CECR2: variants seen among roughly 807,000 people sequenced by gnomAD.
CECR2 encodes the protein CECR2 histone acetyl-lysine reader, also known as chromatin remodeling regulator CECR2.
CECR2 carries 30 observed loss-of-function variants against 154.5 expected under a neutral mutation model. That is an observed-to-expected ratio of 0.19 (90% CI 0.15 to 0.26). CECR2 has a LOEUF of 0.26. Ranked by LOEUF, CECR2 falls within the 10% of genes least tolerant of loss-of-function variation. The probability of loss-of-function intolerance (pLI) is 1.00; values close to 1 mark genes in which losing one functional copy is unlikely to be tolerated. For missense variants in CECR2, 1,743 were observed against 1,829.3 expected (o/e 0.95, Z 0.86); for synonymous variants, 725 against 683.7 (o/e 1.06, Z -0.94).
At chr22:17,368,610 T>TG (rs1476781766), upstream of CECR2, among the ~76,000 whole-genome samples, 3 of 152,066 alleles carry the variant, frequency 2.0e-5, no homozygotes, top group Non-Finnish European at 4.4e-5. Flanking sequence ...CGCCGGGGCG[T>TG]GGGGGTCTCC....
At chr22:17,523,939 T>C (rs975592286) in intron 8 of CECR2, among the ~76,000 whole-genome samples, 179 bp from the exon 9 acceptor site, 1 of 152,186 alleles carries the variant, frequency 6.6e-6, no homozygotes, top group African/African-American at 2.4e-5. Flanking sequence ...GAATCTCCCT[T>C]ATGTTTTAAC....
chr22:17,509,197 G>C (rs1257319915), intron 7 of CECR2, among the ~76,000 whole-genome samples: 2 of 152,122 alleles, frequency 1.3e-5, no homozygotes, highest in Non-Finnish European at 2.9e-5. Flanking sequence ...GTTGCAGTGA[G>C]ATGAGATCGC....
chr22:17,466,608 T>C (rs2055037029), intron 1 of CECR2, among the ~76,000 whole-genome samples: 1 of 151,898 alleles, frequency 6.6e-6, no homozygotes, highest in African/African-American at 2.4e-5. Context: ...CTTTTTTTTT[T>C]TTTTGAGAAG....
intron 8 of CECR2, among the ~76,000 whole-genome samples, chr22:17,518,159 T>C (rs2056092352): frequency 1.3e-5 from 2 of 152,202 alleles, no homozygotes. Flanking sequence ...TAGAAGTTTT[T>C]CCAGCAAAGA....
At chr22:17,545,306 C>T (rs1470098091) in intron 16 of CECR2, among the ~76,000 whole-genome samples, 3 of 130,550 alleles carry the variant, frequency 2.3e-5, no homozygotes, top group African/African-American at 8.8e-5. Flanking sequence ...ACCCGGGAGG[C>T]GGAGCTTGCA....
chr22:17,370,967 C>T (rs1243905572), intron 1 of CECR2, among the ~76,000 whole-genome samples: 1 of 152,120 alleles, frequency 6.6e-6, no homozygotes, highest in Non-Finnish European at 1.5e-5. Flanking sequence ...GTTTTCTGTT[C>T]TGCGGATGGG....
At chr22:17,467,303 G>A (rs2055049164) in intron 1 of CECR2, among the ~76,000 whole-genome samples, 2 of 152,126 alleles carry the variant, frequency 1.3e-5, no homozygotes, top group South Asian at 4.1e-4. Flanking sequence ...TGAACAATCG[G>A]AACACGTGTG....
In CECR2 at chr22:17,555,627, C is replaced by G. The variant is rs1245778620; in HGVS notation, c.*2787C>G. 6.6e-6 allele frequency: 1 copy of G among 152,198 alleles called. No individual in the cohort carries two copies. The highest frequency in any genetic ancestry group is 2.1e-4 in the South Asian group (1 of 4,836). 9.4% of individuals were successfully genotyped at this position (152,198 alleles called of 1,614,324 possible). ...TCTTTCCAAGTGTCTTAAGCAGATG[C>G]AATGTCTTAAAGCAGATGCAAATGC... On this transcript the variant is annotated 3_prime_UTR_variant, in exon 19 of 19. Coordinates refer to ENST00000262608, the MANE Select transcript of CECR2 (RefSeq NM_001290047.2).
chr22:17,493,610 T>G (rs2055569378), intron 2 of CECR2, among the ~76,000 whole-genome samples: 1 of 152,188 alleles, frequency 6.6e-6, no homozygotes, highest in Non-Finnish European at 1.5e-5. Flanking sequence ...CTAGTTAAGG[T>G]GGCATGGAGA....
At chr22:17,417,773 C>T (rs2054177575) in intron 1 of CECR2, among the ~76,000 whole-genome samples, 1 of 152,046 alleles carries the variant, frequency 6.6e-6, no homozygotes, top group Non-Finnish European at 1.5e-5. Flanking sequence ...CACGTGCCAC[C>T]ATGCCCGGCT....
intron 1 of CECR2, among the ~76,000 whole-genome samples, chr22:17,370,469 C>T (rs1264402070): frequency 1.3e-5 from 2 of 151,884 alleles, no homozygotes; most frequent in Non-Finnish European, 2.9e-5. Flanking sequence ...CAACTTCGGG[C>T]CGGTGGGGAC....
intron 1 of CECR2, among the ~76,000 whole-genome samples, chr22:17,425,224 A>C (rs1351715656): frequency 6.6e-6 from 1 of 151,892 alleles, no homozygotes; most frequent in Admixed American, 6.6e-5. Context: ...AGAGGTTATA[A>C]ATTGCATCTA....
intron 1 of CECR2, among the ~76,000 whole-genome samples, chr22:17,415,220 T>C (rs1386657667): frequency 6.6e-6 from 1 of 152,014 alleles, no homozygotes; most frequent in East Asian, 1.9e-4. Context: ...ATGAAGCTTC[T>C]CTTCTTCTCC....
chr22:17,383,088 CG>C (rs1274178705), intron 1 of CECR2, among the ~76,000 whole-genome samples: 5 of 151,930 alleles, frequency 3.3e-5, no homozygotes, highest in Admixed American at 3.3e-4. Flanking sequence ...TAGCCGGGCA[CG>C]GTGGCGGGCA....
Position 17,519,789 on chromosome 22 carries a change from C to CA in CECR2, c.955-4327dup, listed in dbSNP as rs531028895. 6.1e-5 allele frequency among the ~76,000 whole-genome samples: 9 copies of CA among 148,480 alleles called. No homozygotes were observed. The South Asian group carries it at 1.9e-3, about 32-fold the overall frequency. Reference sequence around the variant, plus strand: ...CACTTCCTATGTTGGTTTAGATTATCAAGTCTTTTTTTTTTTTTTTGAGAC... The same window carrying CA: ...CACTTCCTATGTTGGTTTAGATTATCAAAGTCTTTTTTTTTTTTTTTGAGAC... On this transcript the variant is annotated intron_variant, in intron 8 of 18. Transcript: ENST00000262608.
At chr22:17,437,303 G>A (rs1012800478) in intron 1 of CECR2, among the ~76,000 whole-genome samples, 6 of 151,992 alleles carry the variant, frequency 3.9e-5, no homozygotes, top group African/African-American at 7.2e-5. Flanking sequence ...GTTGTTTCAC[G>A]CGTTGTCGGG....
At chr22:17,473,351 G>C (rs951494189) in intron 1 of CECR2, among the ~76,000 whole-genome samples, 4 of 152,202 alleles carry the variant, frequency 2.6e-5, no homozygotes, top group Non-Finnish European at 5.9e-5. Flanking sequence ...GAGAAGAAAA[G>C]AGAGAAAAGG....
intron 1 of CECR2, among the ~76,000 whole-genome samples, chr22:17,392,334 T>C (rs999095664): frequency 1.3e-5 from 2 of 151,726 alleles, no homozygotes; most frequent in Non-Finnish European, 2.9e-5. Context: ...CTACTAAAAA[T>C]ACAAAATTAC....
At chr22:17,493,324 A>G (rs1325536703) in intron 2 of CECR2, among the ~76,000 whole-genome samples, 1 of 152,118 alleles carries the variant, frequency 6.6e-6, no homozygotes, top group Non-Finnish European at 1.5e-5. Context: ...TTGTGTGCTC[A>G]TTTTTCTGGG....
Sources: gnomAD v4.1 joint callset for allele counts (sites outside exome capture counted in the v4.1 genomes callset) on GRCh38, gnomAD v4.1.1 for gene constraint, MANE v1.5 for transcripts, NCBI Gene and HGNC (gene_info 2026-07-23, HGNC 2026-07-21) for gene names.